ARL14EP: variants seen among roughly 807,000 people sequenced by gnomAD.
ARL14EP encodes ARL14 effector protein.
A neutral mutation model predicts 23.1 loss-of-function variants in ARL14EP; 12 were observed. The ratio of observed to expected loss-of-function variants is 0.52; its 90% CI spans 0.33 to 0.84. ARL14EP has a LOEUF of 0.84. ARL14EP is among the 40% of genes least tolerant of loss of function. The pLI is 0.02. For missense variants in ARL14EP, 253 were observed against 307.3 expected (o/e 0.82, Z 1.32); for synonymous variants, 97 against 102.0 (o/e 0.95, Z 0.29).
intron 1 of ARL14EP, among the ~76,000 whole-genome samples, chr11:30,324,036 G>A (rs1947217051): frequency 6.6e-6 from 1 of 151,880 alleles, no homozygotes; most frequent in African/African-American, 2.4e-5. Flanking sequence ...TTTGCCTTTG[G>A]GCCAATTGTC....
chr11:30,336,989 C>T lies in ARL14EP; in HGVS notation c.*194C>T, dbSNP rs747414181. The T allele has an allele frequency of 2.6e-5, 16 of 608,892 alleles. No individual in the cohort carries two copies. Among genetic ancestry groups the T allele is most frequent in the East Asian group, 5.8e-5 (2 of 34,244 alleles). The allele number at this position is 608,892 out of a possible 1,614,324, so 37.7% of individuals were successfully genotyped here. The stretch of plus-strand genomic sequence containing the variant: ...AGATAGGCTATTTTTCAGTAGTCAG[C>T]GTTAAGCCTGTCTGGATCAATATAA... On this transcript the variant is annotated 3_prime_UTR_variant, in exon 4 of 4. Coordinates refer to ENST00000282032, the MANE Select transcript of ARL14EP (RefSeq NM_152316.3).
At chr11:30,332,260 GC>G (rs1237100171) in intron 2 of ARL14EP, among the ~76,000 whole-genome samples, 1 of 149,552 alleles carries the variant, frequency 6.7e-6, no homozygotes, top group Admixed American at 6.8e-5. Flanking sequence ...CATCTTGAGG[GC>G]CCAGTTTATC....
chr11:30,326,790 C>A (rs1947237856), intron 1 of ARL14EP, among the ~76,000 whole-genome samples: 1 of 152,096 alleles, frequency 6.6e-6, no homozygotes, highest in East Asian at 1.9e-4. Flanking sequence ...CTATGGAAGA[C>A]TTTAAAACTA....
chr11:30,333,680 A>G (rs1947305246), intron 3 of ARL14EP, among the ~76,000 whole-genome samples: 1 of 152,144 alleles, frequency 6.6e-6, no homozygotes, highest in African/African-American at 2.4e-5. Context: ...AATTGGTCCA[A>G]CTAATAACCC....
At position 30,331,176 on chromosome 11, in the gene ARL14EP, T is replaced by C; in HGVS notation, c.228T>C (p.Cys76=). The C allele has an allele frequency of 6.2e-7, 1 of 1,613,956 alleles. No individual in the cohort carries two copies. ...DRFEDLQKSC[C]DPFNIHKKLA... is the part of the protein sequence containing the mutation. ...TTGAGGATTTACAGAAGTCATGTTG[T>C]GACCCATTTAACATACACAAGAAAT... The change falls in exon 2 of 4, where the codon TGT becomes TGC. Residue 76 remains cysteine, a synonymous_variant. Transcript: ENST00000282032.
At chr11:30,323,477 C>T (rs533632758) in intron 1 of ARL14EP, among the ~76,000 whole-genome samples, 1 of 152,332 alleles carries the variant, frequency 6.6e-6, no homozygotes, top group East Asian at 1.9e-4. Context: ...AGGCCCAGGA[C>T]CTTCAAAGCT....
chr11:30,338,013 ATT>A lies in ARL14EP; in HGVS notation c.*1219_*1220del, dbSNP rs1947347875. On this transcript the variant is annotated 3_prime_UTR_variant, in exon 4 of 4. Coordinates refer to ENST00000282032, the MANE Select transcript of ARL14EP (RefSeq NM_152316.3). ...ACAATCATCATTTTCCCTATTGATT[ATT>A]AAGATTGCAGGACCATTTTTATGGT... The A allele has an allele frequency of 6.6e-6, 1 of 152,210 alleles. No individual in the cohort carries two copies. The highest frequency in any genetic ancestry group is 2.4e-5 in the African/African-American group (1 of 41,444). The allele number at this position is 152,210 out of a possible 1,614,324, so 9.4% of individuals were successfully genotyped here. A position where few individuals can be genotyped will look rare whatever the true frequency, so the allele number is the denominator to read the frequency against.
chr11:30,332,343 T>G (rs1267528298), intron 2 of ARL14EP, among the ~76,000 whole-genome samples: 1 of 151,534 alleles, frequency 6.6e-6, no homozygotes, highest in Non-Finnish European at 1.5e-5. Context: ...AATGTTCTTG[T>G]AGAATATATC....
intron 1 of ARL14EP, chr11:30,328,543 A>G (rs1947259303): frequency 6.6e-6 from 1 of 152,220 alleles, no homozygotes; most frequent in Admixed American, 6.5e-5. Context: ...ATGAATATAA[A>G]TATACTCTGT....
Position 30,331,224 on chromosome 11 carries a change from A to C in ARL14EP, c.276A>C (p.Val92=). 6.2e-7 allele frequency: 1 copy of C among 1,614,004 alleles called. No individual in the cohort carries two copies. The highest frequency in any genetic ancestry group is 8.5e-7 in the Non-Finnish European group (1 of 1,179,894). ...HKKLAKKNLH[V]IDLDDATFLS... Reference sequence around the variant, plus strand: ...AATTAGCCAAAAAAAATTTGCATGTAATTGACTTAGATGATGCCACTTTTC... The same window carrying C: ...AATTAGCCAAAAAAAATTTGCATGTCATTGACTTAGATGATGCCACTTTTC... Residue 92 remains valine (V), a synonymous_variant, in exon 2 of 4, where the codon GTA becomes GTC. Coordinates refer to ENST00000282032, the MANE Select transcript of ARL14EP (RefSeq NM_152316.3).
Position 30,337,720 on chromosome 11 carries a change from G to A in ARL14EP, c.*925G>A, listed in dbSNP as rs1324813379. ...TTGAAAGCACAAGCAATAAAAGGGT[G>A]GAAGCTGACCCAAACTTAGAAGGAG... On this transcript the variant is annotated 3_prime_UTR_variant, in exon 4 of 4. Coordinates refer to ENST00000282032, the MANE Select transcript of ARL14EP (RefSeq NM_152316.3). 1.3e-5 allele frequency: 2 copies of A among 152,124 alleles called. No individual in the cohort carries two copies. The highest frequency in any genetic ancestry group is 2.9e-5 in the Non-Finnish European group (2 of 68,012). The allele number at this position is 152,124 out of a possible 1,614,324, so 9.4% of individuals were successfully genotyped here.
chr11:30,327,931 T>C (rs1947250978), intron 1 of ARL14EP: 1 of 147,920 alleles, frequency 6.8e-6, no homozygotes, highest in Admixed American at 6.7e-5. Context: ...AGCCAAGATC[T>C]CGCCACTGCA....
Position 30,331,380 on chromosome 11 carries a change from T to G in ARL14EP, c.426+6T>G. 6.2e-7 allele frequency: 1 copy of G among 1,613,830 alleles called. No individual in the cohort carries two copies. Among genetic ancestry groups the G allele is most frequent in the Non-Finnish European group, 8.5e-7 (1 of 1,179,790 alleles). On this transcript the variant is annotated splice_donor_region_variant and intron_variant, in intron 2 of 3. Transcript: ENST00000282032. The stretch of plus-strand genomic sequence containing the variant: ...AAAGGAAACCTGAGTCAGATGTATG[T>G]GTAATAGTCATTTTTTTCTACATTG...
At chr11:30,331,471 G>A in intron 2 of ARL14EP, 97 bp downstream of exon 2, 1 of 1,566,538 alleles carries the variant, frequency 6.4e-7, no homozygotes, top group Non-Finnish European at 8.6e-7. Flanking sequence ...TACTAAATTT[G>A]TTAGCATACA....
intron 2 of ARL14EP, 79 bp downstream of exon 2, chr11:30,331,453 T>TAAA: frequency 6.3e-7 from 1 of 1,591,040 alleles, no homozygotes; most frequent in South Asian, 1.1e-5. Flanking sequence ...AAATCATATT[T>TAAA]ACATTATTAC....
intron 2 of ARL14EP, chr11:30,331,943 C>A: frequency 3.1e-6 from 1 of 318,492 alleles, no homozygotes; most frequent in Non-Finnish European, 4.5e-6. Flanking sequence ...AATTTTAGGA[C>A]TCCTTGAGGT....
chr11:30,330,739 T>C (rs964191297), intron 1 of ARL14EP, 147 bp from the exon 2 acceptor site: 1 of 535,454 alleles, frequency 1.9e-6, no homozygotes, highest in African/African-American at 1.9e-5. Flanking sequence ...TTCTGTTTGA[T>C]TATTAAATGT....
chr11:30,323,532 C>T (rs1346440006), intron 1 of ARL14EP, among the ~76,000 whole-genome samples: 1 of 152,202 alleles, frequency 6.6e-6, no homozygotes, highest in Non-Finnish European at 1.5e-5. Flanking sequence ...GCCTTGAACT[C>T]CGTAGACAGC....
At chr11:30,333,150 T>A (rs1417810956) in intron 3 of ARL14EP, among the ~76,000 whole-genome samples, 157 bp downstream of exon 3, 1 of 152,236 alleles carries the variant, frequency 6.6e-6, no homozygotes, top group East Asian at 1.9e-4. Flanking sequence ...TTTATTCATA[T>A]AAAATTAAGG....
Sources: allele counts gnomAD v4.1 joint callset (sites outside exome capture counted in the v4.1 genomes callset), GRCh38; gene constraint gnomAD v4.1.1; transcripts MANE v1.5; gene names NCBI Gene and HGNC (gene_info 2026-07-23, HGNC 2026-07-21).